Variants in CLNK observed in about 807,000 individuals in gnomAD.
The protein encoded by CLNK is cytokine dependent hematopoietic cell linker, also known as cytokine-dependent hematopoietic cell linker.
Under a neutral mutation model 68.6 loss-of-function variants are expected in CLNK, and 74 were observed. The observed-to-expected ratio is 1.08, with a 90% confidence interval of 0.89 to 1.31. The LOEUF (loss-of-function observed/expected upper bound fraction) is 1.31, where lower values mean the gene tolerates loss of function less well. Among genes scored for constraint, CLNK ranks in the 50% most tolerant of loss-of-function variants. The pLI, the probability that CLNK is intolerant of heterozygous loss-of-function variation, is 0.00. For missense variants in CLNK, 553 were observed against 515.3 expected, an observed-to-expected ratio of 1.07 and a Z score of -0.71; for synonymous variants, 198 against 172.2, an observed-to-expected ratio of 1.15 and a Z score of -1.17.
chr4:10,561,901 A>C lies in CLNK; in HGVS notation c.399+2770T>G, dbSNP rs536280822. ...TTAAAGCTTGAGTTCAAATGATTGA[A>C]AGTTTGTTATTTTTCATTCATTTAA... On this transcript the variant is annotated intron_variant, in intron 7 of 18. Transcript: ENST00000226951. Among the ~76,000 whole-genome samples, 109 of 152,240 alleles carry C rather than the reference A, an allele frequency of 7.2e-4. 1 individual carries two copies. Among genetic ancestry groups the C allele is most frequent in the Non-Finnish European group, 1.0e-3 (69 of 68,010 alleles).
the CLNK span, among the ~76,000 whole-genome samples, chr4:10,694,850 C>T: frequency 6.6e-6 from 1 of 152,312 alleles, no homozygotes; most frequent in African/African-American, 2.4e-5. Flanking sequence ...CTTATGTCCT[C>T]CAGCTTCACT....
Position 10,513,491 on chromosome 4 carries a change from T to C in CLNK, c.879A>G (p.Pro293=). The C allele has an allele frequency of 6.2e-7, 1 of 1,611,698 alleles. No homozygotes were observed. Among genetic ancestry groups the C allele is most frequent in the Non-Finnish European group, 8.5e-7 (1 of 1,178,990 alleles). The change falls in exon 16 of 19, where the codon CCA becomes CCG. Residue 293 remains proline (P), a synonymous_variant. Transcript: ENST00000226951. Reference sequence around the variant, plus strand: ...TTCTATCAGACCTTTTGGGGAAAGGTGGTCTCCAGCTTGTGTATTTATAGG... The same window carrying C: ...TTCTATCAGACCTTTTGGGGAAAGGCGGTCTCCAGCTTGTGTATTTATAGG... ...ILPYKYTSWR[P]PFPKRSDRKD... is the part of the protein sequence containing the mutation.
intron 15 of CLNK, among the ~76,000 whole-genome samples, chr4:10,518,262 C>T (rs578042374): frequency 1.3e-5 from 2 of 152,252 alleles, no homozygotes; most frequent in Admixed American, 6.5e-5. Flanking sequence ...AGATTAAGCT[C>T]TTAGCACAGT....
intron 18 of CLNK, among the ~76,000 whole-genome samples, chr4:10,498,263 G>A (rs1200509977): frequency 3.9e-5 from 6 of 152,076 alleles, no homozygotes; most frequent in East Asian, 3.9e-4. Context: ...AGGCTGAGGC[G>A]GGCGAATCAC....
At chr4:10,526,696 C>T (rs1718335780) in intron 13 of CLNK, among the ~76,000 whole-genome samples, 1 of 152,140 alleles carries the variant, frequency 6.6e-6, no homozygotes, top group Non-Finnish European at 1.5e-5. Context: ...AGGTTCCGAC[C>T]AGGGATACAG....
intron 2 of CLNK, among the ~76,000 whole-genome samples, chr4:10,662,186 C>G (rs1031834346): frequency 5.3e-5 from 8 of 152,148 alleles, no homozygotes; most frequent in Non-Finnish European, 5.9e-5. Flanking sequence ...CTCTAATACT[C>G]CTAGAGTATA....
the CLNK span, among the ~76,000 whole-genome samples, chr4:10,718,945 AAAT>A: frequency 6.6e-6 from 1 of 152,116 alleles, no homozygotes; most frequent in African/African-American, 2.4e-5. Flanking sequence ...TGAACTGGTA[AAAT>A]GACAACACCA....
At chr4:10,678,322 C>T (rs996183928) in intron 1 of CLNK, among the ~76,000 whole-genome samples, 10 of 152,108 alleles carry the variant, frequency 6.6e-5, no homozygotes, top group Admixed American at 3.3e-4. Flanking sequence ...AAAGTGAAAG[C>T]ACTCTGTAAA....
intron 2 of CLNK, among the ~76,000 whole-genome samples, chr4:10,628,907 G>T (rs1357232006): frequency 6.6e-6 from 1 of 152,196 alleles, no homozygotes; most frequent in African/African-American, 2.4e-5. Context: ...CAGGAAGGAA[G>T]GCTAAGATCT....
the CLNK span, among the ~76,000 whole-genome samples, chr4:10,720,153 A>C: frequency 1.3e-5 from 2 of 152,188 alleles, no homozygotes; most frequent in African/African-American, 4.8e-5. Context: ...ACCTAGAAAA[A>C]AATAGCAAAA....
chr4:10,596,187 G>C (rs537521780), intron 3 of CLNK, among the ~76,000 whole-genome samples: 48 of 152,216 alleles, frequency 3.2e-4, no homozygotes, highest in Middle Eastern at 3.4e-3. Context: ...CACCACATCT[G>C]GCTACTTTTG....
intron 9 of CLNK, 30 bp from the exon 10 acceptor site, chr4:10,542,071 G>A (rs751286417): frequency 1.3e-6 from 2 of 1,577,650 alleles, no homozygotes; most frequent in Non-Finnish European, 1.7e-6. Context: ...CCTAAATTAA[G>A]TTTATTGTTC....
At chr4:10,542,400 T>C in intron 8 of CLNK, 120 bp from the exon 9 acceptor site, 2 of 710,080 alleles carry the variant, frequency 2.8e-6, no homozygotes, top group Non-Finnish European at 4.8e-6. Context: ...CGTCAGTTAA[T>C]ATTTGCTGAG....
intron 1 of CLNK, among the ~76,000 whole-genome samples, chr4:10,675,125 A>G (rs879835973): frequency 7.9e-5 from 12 of 152,366 alleles, no homozygotes; most frequent in Admixed American, 7.8e-4. Flanking sequence ...CAGGTTCTGC[A>G]CATGTATCCC....
rs117088182 is a variant in CLNK at position 10,647,940 on chromosome 4, A to T, written c.11+19919T>A. On this transcript the variant is annotated intron_variant, in intron 2 of 18. Coordinates refer to ENST00000226951, the MANE Select transcript of CLNK (RefSeq NM_052964.4). The stretch of plus-strand genomic sequence containing the variant: ...AACCGGGATTTCCAGATTCTAGGTC[A>T]GTGCTCATTCCACTACAACTAATTG... Among the ~76,000 whole-genome samples the T allele has an allele frequency of 3.5e-4, 53 of 152,280 alleles. No homozygotes were observed. The East Asian group carries it at 9.6e-3, about 28-fold the overall frequency.
At chr4:10,542,452 C>T (rs971691708) in intron 8 of CLNK, among the ~76,000 whole-genome samples, 172 bp from the exon 9 acceptor site, 3 of 152,050 alleles carry the variant, frequency 2.0e-5, no homozygotes, top group East Asian at 1.9e-4. Context: ...TCTTTAGTTA[C>T]GTGGTCTTAT....
intron 1 of CLNK, among the ~76,000 whole-genome samples, chr4:10,683,781 G>A (rs920989907): frequency 5.3e-5 from 8 of 152,140 alleles, no homozygotes; most frequent in Non-Finnish European, 8.8e-5. Context: ...TATTTGAAAT[G>A]ATTATTCCTG....
the CLNK span, among the ~76,000 whole-genome samples, chr4:10,698,028 A>G: frequency 3.3e-5 from 5 of 152,220 alleles, no homozygotes; most frequent in African/African-American, 7.2e-5. Context: ...TTTCTGTAAC[A>G]TAAGTAGGTA....
chr4:10,615,209 G>T (rs1290173034), intron 2 of CLNK, among the ~76,000 whole-genome samples: 3 of 151,882 alleles, frequency 2.0e-5, no homozygotes, highest in Admixed American at 2.0e-4. Context: ...GCTGGGCGCG[G>T]TGGCTTATGC....
Sources: allele counts gnomAD v4.1 joint callset (sites outside exome capture counted in the v4.1 genomes callset), GRCh38; gene constraint gnomAD v4.1.1; transcripts MANE v1.5; gene names NCBI Gene and HGNC (gene_info 2026-07-23, HGNC 2026-07-21).